Variants in ZNF718 observed in about 807,000 individuals in gnomAD.
ZNF718 encodes the protein zinc finger protein 718.
A neutral mutation model predicts 2.6 loss-of-function variants in ZNF718; 3 were observed. The ratio of observed to expected loss-of-function variants is 1.16; its 90% confidence interval spans 0.53 to 3.01. The LOEUF (loss-of-function observed/expected upper bound fraction) is 3.01, where lower values mean the gene tolerates loss of function less well. ZNF718 is among the 30% of genes most tolerant of loss of function. The pLI is 0.03. For synonymous variants in ZNF718, 135 were observed against 77.9 expected, an observed-to-expected ratio of 1.73 and a Z score of -3.86; for missense variants, 468 against 230.0, an observed-to-expected ratio of 2.03 and a Z score of -6.69.
In ZNF718 at chr4:134,915, T is replaced by G. The variant is rs956151261; in HGVS notation, c.226+3410T>G. ...AACCTGGGCAACAGAGTATTAACTC[T>G]GAAAATCTGAGACAGGTCTCAGTTA... is the stretch of plus-strand genomic sequence containing the variant. On this transcript the variant is annotated intron_variant, in intron 3 of 3. Transcript: ENST00000510175. 2.0e-5 allele frequency among the ~76,000 whole-genome samples: 3 copies of G among 152,082 alleles called. No homozygotes were observed. The South Asian group carries it at 6.2e-4, about 32-fold the overall frequency.
At chr4:151,726 C>G (rs557791704) in intron 3 of ZNF718, among the ~76,000 whole-genome samples, 1 of 152,218 alleles carries the variant, frequency 6.6e-6, no homozygotes, top group East Asian at 1.9e-4. Context: ...GTAATCCACC[C>G]ACCTCAACCA....
Position 133,257 on chromosome 4 carries a change from T to TA in ZNF718, c.226+1763dup, listed in dbSNP as rs1172584109. 5.1e-4 allele frequency among the ~76,000 whole-genome samples: 71 copies of TA among 138,776 alleles called. 16 individuals are homozygous for TA. Among genetic ancestry groups the TA allele is most frequent in the Non-Finnish European group, 9.0e-4 (58 of 64,132 alleles). The allele number at this position is 138,776 out of a possible 152,430, so 91.0% of individuals were successfully genotyped here. On this transcript the variant is annotated intron_variant, in intron 3 of 3. Coordinates refer to ENST00000510175, the MANE Select transcript of ZNF718 (RefSeq NM_001039127.6). ...TAACACTAATAATAGCTGATGAGTT[T>TA]AAAAAAAAAAAGGTTTGTGAATAAT...
rs1553815946 is a variant in ZNF718 at position 162,983 on chromosome 4, T to C, written c.*861T>C. On this transcript the variant is annotated 3_prime_UTR_variant, in exon 4 of 4. Coordinates refer to ENST00000510175, the MANE Select transcript of ZNF718 (RefSeq NM_001039127.6). ...GAAACTGTTAGATAATTTCTTTCTA[T>C]ATAAGTTGAAAAGGAGTAGCTTTTT... 6.6e-6 allele frequency: 1 copy of C among 152,182 alleles called. No individual in the cohort carries two copies. Among genetic ancestry groups the C allele is most frequent in the Non-Finnish European group, 1.5e-5 (1 of 68,020 alleles). The allele number at this position is 152,182 out of a possible 1,614,324, so 9.4% of individuals were successfully genotyped here.
At chr4:149,780 T>C (rs1049668248) in intron 3 of ZNF718, 1 of 152,214 alleles carries the variant, frequency 6.6e-6, no homozygotes, top group Non-Finnish European at 1.5e-5. Context: ...ACCATCTGTT[T>C]ATTGTCTTAT....
At chr4:131,145 G>C (rs1408903283) in intron 2 of ZNF718, among the ~76,000 whole-genome samples, 1 of 104,082 alleles carries the variant, frequency 9.6e-6, no homozygotes, top group Non-Finnish European at 2.1e-5. Flanking sequence ...GGTAATTCTA[G>C]AAATTAATGA....
At chr4:126,042 G>A (rs1398220891) in intron 1 of ZNF718, among the ~76,000 whole-genome samples, 1 of 152,186 alleles carries the variant, frequency 6.6e-6, no homozygotes, top group Admixed American at 6.5e-5. Context: ...TGTACCTGTA[G>A]CACAAACCAG....
intron 3 of ZNF718, among the ~76,000 whole-genome samples, chr4:183,539 A>C (rs1237332044): frequency 6.6e-6 from 1 of 152,212 alleles, no homozygotes; most frequent in Non-Finnish European, 1.5e-5. Flanking sequence ...TCTGTGCAGA[A>C]TGTCAATGGT....
intron 3 of ZNF718, among the ~76,000 whole-genome samples, chr4:199,302 C>T (rs1355299483): frequency 6.6e-6 from 1 of 152,254 alleles, no homozygotes; most frequent in Non-Finnish European, 1.5e-5. Context: ...TTTTAATGAG[C>T]TTCTCCCATT....
chr4:164,613 T>G (rs964130050), downstream of ZNF718, among the ~76,000 whole-genome samples: 1 of 152,118 alleles, frequency 6.6e-6, no homozygotes, highest in Non-Finnish European at 1.5e-5. Flanking sequence ...AGAATGATTT[T>G]TATAAAATTT....
downstream of ZNF718, among the ~76,000 whole-genome samples, chr4:168,887 T>A (rs574808411): frequency 2.0e-5 from 3 of 152,342 alleles, no homozygotes; most frequent in South Asian, 6.2e-4. Flanking sequence ...TTTCTTGCCT[T>A]CTGCTAGCTT....
At chr4:183,469 C>T (rs1394745210) in intron 3 of ZNF718, among the ~76,000 whole-genome samples, 2 of 152,060 alleles carry the variant, frequency 1.3e-5, no homozygotes, top group Admixed American at 6.6e-5. Context: ...CTTAGAATTG[C>T]CTTGGCTATT....
intron 3 of ZNF718, chr4:150,409 G>C (rs552804369): frequency 6.6e-6 from 1 of 152,048 alleles, no homozygotes; most frequent in Non-Finnish European, 1.5e-5. Context: ...TGTTTCCTGA[G>C]CCTTAGGTGT....
At chr4:178,372 C>T (rs1717390468) in intron 3 of ZNF718, among the ~76,000 whole-genome samples, 1 of 152,056 alleles carries the variant, frequency 6.6e-6, no homozygotes, top group Non-Finnish European at 1.5e-5. Flanking sequence ...CTTCTGAGCT[C>T]AGATAATTCT....
intron 3 of ZNF718, among the ~76,000 whole-genome samples, chr4:144,137 A>T (rs1438354515): frequency 1.3e-5 from 2 of 152,186 alleles, no homozygotes; most frequent in African/African-American, 4.8e-5. Context: ...GGTGGTATTT[A>T]AGCTCCCAAA....
Position 140,039 on chromosome 4 carries a change from A to T in ZNF718, c.226+8534A>T, listed in dbSNP as rs192048108. Among the ~76,000 whole-genome samples, 41 of 151,662 alleles carry T rather than the reference A, an allele frequency of 2.7e-4. No individual in the cohort carries two copies. In the East Asian group the frequency reaches 6.0e-3, roughly 22 times the overall value. On this transcript the variant is annotated intron_variant, in intron 3 of 3. Coordinates refer to ENST00000510175, the MANE Select transcript of ZNF718 (RefSeq NM_001039127.6). ...TGACTTTTTTTTTTATCTTTTCTGCACGTGGTCCCCGATCCCTATGTGTGG... is the reference window on the plus strand; with the variant it reads ...TGACTTTTTTTTTTATCTTTTCTGCTCGTGGTCCCCGATCCCTATGTGTGG...
chr4:142,822 A>G (rs1715871455), intron 3 of ZNF718, among the ~76,000 whole-genome samples: 1 of 152,244 alleles, frequency 6.6e-6, no homozygotes, highest in East Asian at 1.9e-4. Context: ...TAGTTAAGTA[A>G]GTAAACTCTT....
At chr4:177,805 A>T (rs1553819281) in intron 3 of ZNF718, among the ~76,000 whole-genome samples, 2 of 152,124 alleles carry the variant, frequency 1.3e-5, no homozygotes, top group African/African-American at 4.8e-5. Flanking sequence ...CAGTTACGGA[A>T]GACCCACAGT....
At chr4:136,366 C>T (rs932544228) in intron 3 of ZNF718, 1 of 520,166 alleles carries the variant, frequency 1.9e-6, no homozygotes, top group Non-Finnish European at 3.8e-6. Context: ...GTAGGCCTGC[C>T]TCCAGGTCCA....
intron 3 of ZNF718, chr4:142,080 G>A (rs781915680): frequency 3.8e-6 from 2 of 519,630 alleles, no homozygotes; most frequent in African/African-American, 1.9e-5. Flanking sequence ...CAGGACTTTG[G>A]GCTTTAGGTT....
Sources: allele counts gnomAD v4.1 joint callset (sites outside exome capture counted in the v4.1 genomes callset), GRCh38; gene constraint gnomAD v4.1.1; transcripts MANE v1.5; gene names NCBI Gene and HGNC (gene_info 2026-07-23, HGNC 2026-07-21).